The following SSBP1 variants were observed in gnomAD, a reference collection of about 807,000 sequenced individuals.
SSBP1 encodes single-stranded DNA-binding protein, mitochondrial.
SSBP1 carries 20 observed loss-of-function variants against 27.0 expected under a neutral mutation model. The ratio of observed to expected loss-of-function variants is 0.74; its 90% CI spans 0.52 to 1.08. SSBP1 has a LOEUF of 1.08. SSBP1 is among the 50% of genes least tolerant of loss of function. SSBP1 has a pLI of 0.00. For synonymous variants in SSBP1, 59 were observed against 59.3 expected, an observed-to-expected ratio of 1.00 and a Z score of 0.02; for missense variants, 137 against 182.4, an observed-to-expected ratio of 0.75 and a Z score of 1.44.
chr7:141,750,117 GC>G (rs1449561959), intron 6 of SSBP1, among the ~76,000 whole-genome samples, 193 bp from the exon 7 acceptor site: 1 of 152,184 alleles, frequency 6.6e-6, no homozygotes, highest in Admixed American at 6.5e-5. Flanking sequence ...AGCAGCCAGT[GC>G]CTAACTTGTA....
chr7:141,750,464 A>T lies in SSBP1; in HGVS notation c.*110A>T. 1.1e-6 allele frequency: 1 copy of T among 892,166 alleles called. No individual in the cohort carries two copies. The highest frequency in any genetic ancestry group is 1.7e-6 in the Non-Finnish European group (1 of 596,882). 55.3% of individuals were successfully genotyped at this position (892,166 alleles called of 1,614,324 possible). ...TTAAAATACTCTTTTACGTAAAATGAGTAATAATCTTTTTTCTGACTGTCG... is the reference window on the plus strand; with the variant it reads ...TTAAAATACTCTTTTACGTAAAATGTGTAATAATCTTTTTTCTGACTGTCG... On this transcript the variant is annotated 3_prime_UTR_variant, in exon 7 of 7. Coordinates refer to ENST00000265304, the MANE Select transcript of SSBP1 (RefSeq NM_003143.3).
intron 6 of SSBP1, 103 bp downstream of exon 6, chr7:141,745,687 T>G: frequency 1.3e-6 from 2 of 1,510,360 alleles, no homozygotes; most frequent in Non-Finnish European, 1.8e-6. Flanking sequence ...CCAGTACTTA[T>G]GAGTTAAGGC....
At position 141,742,215 on chromosome 7, in the gene SSBP1, T is replaced by G; in HGVS notation, c.71T>G (p.Leu24Trp). 1 of 1,605,288 alleles carries G rather than the reference T, an allele frequency of 6.2e-7. No homozygotes were observed. The highest frequency in any genetic ancestry group is 8.5e-7 in the Non-Finnish European group (1 of 1,172,844). ...CATGAGTCCGAAACAACTACCAGTT[T>G]GGTTCTTGAAAGATGTAAGTAGCTA... ...VRHESETTTSLVLERSLNRVH... is the reference protein window; with the variant it reads ...VRHESETTTSWVLERSLNRVH... Residue 24 changes from leucine to tryptophan, a missense_variant, in exon 3 of 7, where the codon TTG becomes TGG. By Grantham distance (61) the Leu-to-Trp change is moderately conservative. This residue lies in a region of SSBP1 where 42 missense variants were observed against 30.4 expected (regional missense o/e 1.38). Transcript: ENST00000265304.
At chr7:141,747,573 A>T (rs1284160988) in intron 6 of SSBP1, among the ~76,000 whole-genome samples, 1 of 151,630 alleles carries the variant, frequency 6.6e-6, no homozygotes, top group Non-Finnish European at 1.5e-5. Context: ...TATTTGTAGT[A>T]GAGATGGGGT....
In SSBP1 at chr7:141,742,182, T is replaced by C. The variant is rs1459271148; in HGVS notation, c.38T>C (p.Phe13Ser). 1.1e-5 allele frequency: 18 copies of C among 1,601,114 alleles called. No homozygotes were observed. Among genetic ancestry groups the C allele is most frequent in the Non-Finnish European group, 1.3e-5 (15 of 1,169,606 alleles). ...GTTCTTCTTTAGGTACTTCGTCAGT[T>C]TGTAAGACATGAGTCCGAAACAACT... is the stretch of plus-strand genomic sequence containing the variant. Reference protein sequence around the residue: ...RRPVLQVLRQFVRHESETTTS... With the variant: ...RRPVLQVLRQSVRHESETTTS... The change falls in exon 3 of 7, where the codon TTT becomes TCT. Residue 13 changes from phenylalanine (F) to serine (S), a missense_variant. Around this residue, in one of 2 missense-constraint regions of SSBP1, gnomAD observed 42 missense variants for 30.4 expected, o/e 1.38. Coordinates refer to ENST00000265304, the MANE Select transcript of SSBP1 (RefSeq NM_003143.3).
intron 6 of SSBP1, among the ~76,000 whole-genome samples, chr7:141,748,659 TG>T (rs1799868135): frequency 6.6e-6 from 1 of 152,266 alleles, no homozygotes; most frequent in African/African-American, 2.4e-5. Flanking sequence ...TATGCTGTTT[TG>T]TTTTTTTTCC....
chr7:141,741,922 A>G (rs1799549726), intron 2 of SSBP1: 2 of 611,726 alleles, frequency 3.3e-6, no homozygotes, highest in Admixed American at 3.8e-5. Flanking sequence ...TGGGAGTACT[A>G]TAACTTAACT....
Position 141,743,561 on chromosome 7 carries a change from C to T in SSBP1, c.86C>T (p.Ser29Phe), listed in dbSNP as rs1454891007. Residue 29 changes from serine (S) to phenylalanine (F), a missense_variant and splice_region_variant, in exon 4 of 7, where the codon TCC becomes TTC. Transcript: ENST00000265304. ...ATTTGGTCTTGATGTTGTGTTTCAGCCCTGAATCGTGTGCACTTACTTGGG... is the reference window on the plus strand; with the variant it reads ...ATTTGGTCTTGATGTTGTGTTTCAGTCCTGAATCGTGTGCACTTACTTGGG... ...ETTTSLVLER[S>F]LNRVHLLGRV... is the part of the protein sequence containing the mutation. The T allele has an allele frequency of 1.9e-6, 3 of 1,613,956 alleles. No individual in the cohort carries two copies. In the South Asian group the frequency reaches 3.3e-5, roughly 18 times the overall value.
In SSBP1 at chr7:141,747,475, C is replaced by T. The variant is rs180694884; in HGVS notation, c.403+1891C>T. ...CACGATCCTGGCTCACTGCAACCTTCGCCTCCCGGGTTCAAGCGATTCTCC... is the reference window on the plus strand; with the variant it reads ...CACGATCCTGGCTCACTGCAACCTTTGCCTCCCGGGTTCAAGCGATTCTCC... On this transcript the variant is annotated intron_variant, in intron 6 of 6. Coordinates refer to ENST00000265304, the MANE Select transcript of SSBP1 (RefSeq NM_003143.3). Among the ~76,000 whole-genome samples, 1,735 of 147,616 alleles carry T rather than the reference C, an allele frequency of 0.012. 65 individuals carry two copies. The South Asian group carries it at 0.15, about 13-fold the overall frequency.
Position 141,742,225 on chromosome 7 carries a change from A to G in SSBP1, c.81A>G (p.Glu27=). 3 of 1,602,362 alleles carry G rather than the reference A, an allele frequency of 1.9e-6. No homozygotes were observed. Among genetic ancestry groups the G allele is most frequent in the Non-Finnish European group, 1.7e-6 (2 of 1,170,392 alleles). ...AAACAACTACCAGTTTGGTTCTTGA[A>G]AGATGTAAGTAGCTAATTTCCAAGT... ...ESETTTSLVL[E]RSLNRVHLLG... The change falls in exon 3 of 7, where the codon GAA becomes GAG. Residue 27 remains glutamate, a synonymous_variant. Coordinates refer to ENST00000265304, the MANE Select transcript of SSBP1 (RefSeq NM_003143.3).
intron 3 of SSBP1, 93 bp downstream of exon 3, chr7:141,742,322 A>G: frequency 1.1e-6 from 1 of 919,206 alleles, no homozygotes; most frequent in Non-Finnish European, 1.7e-6. Flanking sequence ...TGGGTTAACC[A>G]TGTTGCCATT....
chr7:141,740,212 T>C (rs769976914), intron 2 of SSBP1: 1 of 152,258 alleles, frequency 6.6e-6, no homozygotes, highest in Non-Finnish European at 1.5e-5. Flanking sequence ...TATTTTCTTA[T>C]CTGCCCTCTG....
chr7:141,745,283 G>GA (rs1291744163), intron 5 of SSBP1, among the ~76,000 whole-genome samples: 1 of 152,144 alleles, frequency 6.6e-6, no homozygotes, highest in African/African-American at 2.4e-5. Flanking sequence ...GCTGACAGAT[G>GA]AAAACATTGT....
At position 141,739,195 on chromosome 7, in the gene SSBP1, T is replaced by A; in HGVS notation, c.24+5T>A. ...TTTCGAAGACCTGTATTACAGGTAG[T>A]CACTTGTCTGTATTAATACTGAGAT... On this transcript the variant is annotated splice_donor_5th_base_variant and intron_variant, in intron 2 of 6. Coordinates refer to ENST00000265304, the MANE Select transcript of SSBP1 (RefSeq NM_003143.3). 6.2e-7 allele frequency: 1 copy of A among 1,600,678 alleles called. No individual in the cohort carries two copies. Among genetic ancestry groups the A allele is most frequent in the Non-Finnish European group, 8.5e-7 (1 of 1,173,634 alleles).
intron 2 of SSBP1, chr7:141,741,707 T>G: frequency 1.1e-6 from 1 of 933,628 alleles, no homozygotes; most frequent in Non-Finnish European, 1.3e-6. Flanking sequence ...GATGTATATA[T>G]TGAATATATG....
At chr7:141,739,301 C>T in intron 2 of SSBP1, 111 bp downstream of exon 2, 1 of 788,638 alleles carries the variant, frequency 1.3e-6, no homozygotes, top group Non-Finnish European at 1.9e-6. Flanking sequence ...GCTCACCCAC[C>T]CACCTCTATA....
intron 6 of SSBP1, among the ~76,000 whole-genome samples, chr7:141,747,599 A>G (rs2117194177): frequency 6.6e-6 from 1 of 151,880 alleles, no homozygotes; most frequent in African/African-American, 2.4e-5. Flanking sequence ...CATATTGGCC[A>G]GGCTGGTCTC....
chr7:141,745,051 A>T (rs1298041041), intron 5 of SSBP1, among the ~76,000 whole-genome samples: 1 of 152,206 alleles, frequency 6.6e-6, no homozygotes, highest in Non-Finnish European at 1.5e-5. Context: ...GTAATATTAT[A>T]CTAAACTAAC....
chr7:141,742,650 C>T (rs910959644), intron 3 of SSBP1, among the ~76,000 whole-genome samples: 1 of 152,184 alleles, frequency 6.6e-6, no homozygotes, highest in Non-Finnish European at 1.5e-5. Flanking sequence ...AATTTAAGAT[C>T]TAGAGCTTAC....
Sources: allele counts gnomAD v4.1 joint callset (sites outside exome capture counted in the v4.1 genomes callset), GRCh38; gene constraint gnomAD v4.1.1; regional missense constraint gnomAD v4.1.1; transcripts MANE v1.5; gene names NCBI Gene and HGNC (gene_info 2026-07-23, HGNC 2026-07-21).